Variants in ZNF398 observed in about 807,000 individuals in gnomAD.
ZNF398 encodes the protein zinc finger DNA binding protein ZER6.
ZNF398 carries 18 observed loss-of-function variants against 41.9 expected under a neutral mutation model. The observed-to-expected ratio is 0.43, with a 90% CI of 0.30 to 0.64. The LOEUF is 0.64. Among genes scored for constraint, ZNF398 ranks in the 30% least tolerant of loss-of-function variants. ZNF398 has a pLI of 0.14. For missense variants in ZNF398, 669 were observed against 822.8 expected, an observed-to-expected ratio of 0.81 and a Z score of 2.29; for synonymous variants, 260 against 308.8, an observed-to-expected ratio of 0.84 and a Z score of 1.66.
In ZNF398 at chr7:149,154,135, G is replaced by T; in HGVS notation, c.215G>T (p.Gly72Val). ...CTCCTACACCTGGAAGGTCGGACAG[G>T]GACAGCAGAGAAGAAACTAGCCAGC... is the stretch of plus-strand genomic sequence containing the variant. ...RRLLHLEGRT[G>V]TAEKKLASCE... The change falls in exon 2 of 6, where the codon GGG becomes GTG. Residue 72 changes from glycine (G) to valine (V), a missense_variant. This residue lies in a region of ZNF398 where 169 missense variants were observed against 239.5 expected (regional missense o/e 0.71). Transcript: ENST00000475153. The T allele has an allele frequency of 6.2e-7, 1 of 1,614,154 alleles. No homozygotes were observed. The highest frequency in any genetic ancestry group is 1.7e-5 in the Admixed American group (1 of 60,008).
intron 2 of ZNF398, among the ~76,000 whole-genome samples, chr7:149,155,707 A>ATATATATATATTTTTTT (rs1794954712): frequency 1.4e-5 from 1 of 73,578 alleles, no homozygotes; most frequent in Non-Finnish European, 2.4e-5. Context: ...ATATATATAT[A>ATATATATATATTTTTTT]TTTTTTTTTT....
chr7:149,159,517 G>A (rs1795055439), intron 2 of ZNF398, among the ~76,000 whole-genome samples: 2 of 151,492 alleles, frequency 1.3e-5, no homozygotes, highest in South Asian at 2.1e-4. Flanking sequence ...GCATGGTGGC[G>A]GGTGCCTGTA....
At chr7:149,159,008 T>G (rs1263178005) in intron 2 of ZNF398, among the ~76,000 whole-genome samples, 1 of 149,600 alleles carries the variant, frequency 6.7e-6, no homozygotes, top group Non-Finnish European at 1.5e-5. Context: ...TGAGATGGAG[T>G]CTCCCTCTTG....
chr7:149,161,687 T>C lies in ZNF398; in HGVS notation c.421-4471T>C, dbSNP rs59807648. On this transcript the variant is annotated intron_variant, in intron 2 of 5. Coordinates refer to ENST00000475153, the MANE Select transcript of ZNF398 (RefSeq NM_170686.3). ...CATAAAGTCGCAAAAAGTACTCAAGTGCCTATTAAATGAAAAGCAAACATA... is the reference window on the plus strand; with the variant it reads ...CATAAAGTCGCAAAAAGTACTCAAGCGCCTATTAAATGAAAAGCAAACATA... 8.7e-3 allele frequency among the ~76,000 whole-genome samples: 1,325 copies of C among 152,158 alleles called. 10 individuals carry two copies. The highest frequency in any genetic ancestry group is 0.015 in the African/African-American group (636 of 41,524).
In ZNF398 at chr7:149,148,449, G is replaced by A. The variant is rs1827018509; in HGVS notation, c.24+683G>A. 3 of 985,420 alleles carry A rather than the reference G, an allele frequency of 3.0e-6. No individual in the cohort carries two copies. The African/African-American group carries it at 5.2e-5, about 17-fold the overall frequency. 61.0% of individuals were successfully genotyped at this position (985,420 alleles called of 1,614,324 possible). A position where few individuals can be genotyped will look rare whatever the true frequency, so the allele number is the denominator to read the frequency against. ...ATGAGAAGGGGACGGTCAGGCCGCG[G>A]GGAAAGCACTGATCGCATTTGCCAC... is the stretch of plus-strand genomic sequence containing the variant. On this transcript the variant is annotated intron_variant, in intron 1 of 5. Transcript: ENST00000475153.
intron 1 of ZNF398, among the ~76,000 whole-genome samples, chr7:149,148,863 C>CT (rs59895177): frequency 0.043 from 2,716 of 63,180 alleles, 639 homozygotes; most frequent in African/African-American, 0.15. Flanking sequence ...TTTTCTTTGT[C>CT]TTTTTTTTTT....
At position 149,178,735 on chromosome 7, in the gene ZNF398, C is replaced by T. The variant is rs1795524210; in HGVS notation, c.863C>T (p.Ala288Val). The change falls in exon 6 of 6, where the codon GCA becomes GTA. Residue 288 changes from alanine (A) to valine (V), a missense_variant. This residue lies in a region of ZNF398 where 290 missense variants were observed against 292.9 expected (regional missense o/e 0.99). Transcript: ENST00000475153. ...VPVPFSSPPAAAKDAFSDVAF... is the reference protein window; with the variant it reads ...VPVPFSSPPAVAKDAFSDVAF... Reference sequence around the variant, plus strand: ...GTCCCTTTCTCTTCTCCACCAGCAGCAGCAAAGGATGCTTTTTCAGATGTG... The same window carrying T: ...GTCCCTTTCTCTTCTCCACCAGCAGTAGCAAAGGATGCTTTTTCAGATGTG... 3.1e-6 allele frequency: 5 copies of T among 1,614,202 alleles called. No homozygotes were observed. The highest frequency in any genetic ancestry group is 4.2e-6 in the Non-Finnish European group (5 of 1,180,030).
At chr7:149,170,990 C>T (rs1410957183) in intron 4 of ZNF398, among the ~76,000 whole-genome samples, 1 of 147,980 alleles carries the variant, frequency 6.8e-6, no homozygotes, top group Non-Finnish European at 1.5e-5. Flanking sequence ...ACTGCAGGCA[C>T]GTGCCACCAC....
intron 5 of ZNF398, among the ~76,000 whole-genome samples, chr7:149,177,933 G>T (rs1163202403): frequency 6.6e-6 from 1 of 152,100 alleles, no homozygotes; most frequent in Non-Finnish European, 1.5e-5. Context: ...TGGATTACTT[G>T]ACACCAGGAG....
intron 4 of ZNF398, among the ~76,000 whole-genome samples, chr7:149,169,861 G>C (rs562585887): frequency 6.6e-6 from 1 of 152,242 alleles, no homozygotes; most frequent in African/African-American, 2.4e-5. Context: ...TTCCCATATG[G>C]TTGTACTCAC....
In ZNF398 at chr7:149,135,205, C is replaced by T. The variant is rs1349704817; in HGVS notation, c.-490+6261C>T. On this transcript the variant is annotated intron_variant, in intron 2 of 6. Coordinates refer to the ZNF398 transcript ENST00000426851. Reference sequence around the variant, plus strand: ...AGTAAATATTTTATCCTGGCCAACACGGTGAAACCCCGTCTCTACTAAAAA... The same window carrying T: ...AGTAAATATTTTATCCTGGCCAACATGGTGAAACCCCGTCTCTACTAAAAA... 2.6e-5 allele frequency among the ~76,000 whole-genome samples: 4 copies of T among 151,318 alleles called. No homozygotes were observed. The East Asian group carries it at 5.8e-4, about 22-fold the overall frequency.
At chr7:149,167,064 G>C (rs183810146) in intron 4 of ZNF398, 134 bp downstream of exon 4, 342 of 604,662 alleles carry the variant, frequency 5.7e-4, no homozygotes, top group Admixed American at 1.2e-3. Context: ...GTGTCATCAG[G>C]CATTTAAATA....
Position 149,179,469 on chromosome 7 carries a change from C to T in ZNF398, c.1597C>T (p.His533Tyr). The part of the protein sequence containing the change: ...KEHLLNHRRL[H>Y]TGERPFSCPH... ...GCACCTGCTGAACCACCGGCGGCTG[C>T]ACACAGGCGAGCGGCCCTTCAGTTG... Residue 533 changes from histidine (H) to tyrosine (Y), a missense_variant, in exon 6 of 6, where the codon CAC becomes TAC. Around this residue, in one of 3 missense-constraint regions of ZNF398, gnomAD observed 210 missense variants for 290.4 expected, o/e 0.72. Coordinates refer to ENST00000475153, the MANE Select transcript of ZNF398 (RefSeq NM_170686.3). The surrounding 1 kb of genome is among the most constrained non-coding windows in gnomAD (Gnocchi z 6.1). 1 of 1,614,176 alleles carries T rather than the reference C, an allele frequency of 6.2e-7. No homozygotes were observed. Among genetic ancestry groups the T allele is most frequent in the Non-Finnish European group, 8.5e-7 (1 of 1,180,044 alleles).
At chr7:149,173,785 C>CTTTTTTTTTTTTTT (rs528703910) in intron 4 of ZNF398, among the ~76,000 whole-genome samples, 1 of 71,590 alleles carries the variant, frequency 1.4e-5, no homozygotes, top group Non-Finnish European at 2.7e-5. Context: ...TAGCATAATT[C>CTTTTTTTTTTTTTT]TTTTTTTTTT....
chr7:149,153,909 A>T, intron 1 of ZNF398, 36 bp from the exon 2 acceptor site: 3 of 1,574,158 alleles, frequency 1.9e-6, no homozygotes, highest in Non-Finnish European at 2.6e-6. Context: ...TCCTTCTAAC[A>T]CTCAATGTCT....
chr7:149,164,147 C>G (rs987828966), intron 2 of ZNF398, among the ~76,000 whole-genome samples: 1 of 149,356 alleles, frequency 6.7e-6, no homozygotes, highest in South Asian at 2.1e-4. Flanking sequence ...GTGGCTTGAG[C>G]CTGTAATCCC....
intron 2 of ZNF398, among the ~76,000 whole-genome samples, chr7:149,162,035 T>C (rs568944633): frequency 1.3e-5 from 2 of 152,266 alleles, no homozygotes; most frequent in East Asian, 3.9e-4. Context: ...TTTTTACTTA[T>C]TTATATATTT....
chr7:149,137,338 A>G (rs1826736186), intron 2 of ZNF398, among the ~76,000 whole-genome samples: 1 of 152,142 alleles, frequency 6.6e-6, no homozygotes, highest in South Asian at 2.1e-4. Context: ...GCCTTTCTCA[A>G]TCTGAGGGGA....
At chr7:149,155,886 C>G (rs1794966933) in intron 2 of ZNF398, among the ~76,000 whole-genome samples, 1 of 151,448 alleles carries the variant, frequency 6.6e-6, no homozygotes, top group Non-Finnish European at 1.5e-5. Context: ...GTCACCATGC[C>G]CAGCTAATTT....
Sources: gnomAD v4.1 joint callset for allele counts (sites outside exome capture counted in the v4.1 genomes callset) on GRCh38, gnomAD v4.1.1 for gene constraint, gnomAD v4.1.1 regional missense constraint, Gnocchi (gnomAD v3.1) non-coding constraint, MANE v1.5 for transcripts, NCBI Gene and HGNC (gene_info 2026-07-23, HGNC 2026-07-21) for gene names.